DOCK4: variants seen among roughly 807,000 people sequenced by gnomAD.
DOCK4 encodes the protein dedicator of cytokinesis 4.
Under a neutral mutation model 268.1 loss-of-function variants are expected in DOCK4, and 97 were observed. The ratio of observed to expected loss-of-function variants is 0.36; its 90% CI spans 0.31 to 0.43. DOCK4 has a LOEUF of 0.43. DOCK4 is among the 20% of genes least tolerant of loss of function. The pLI is 1.00. For missense variants in DOCK4, 2,145 were observed against 2,455.7 expected, an observed-to-expected ratio of 0.87 and a Z score of 2.67; for synonymous variants, 954 against 887.2, an observed-to-expected ratio of 1.08 and a Z score of -1.34.
At chr7:112,027,354 A>C (rs948679698) in intron 1 of DOCK4, among the ~76,000 whole-genome samples, 1 of 152,076 alleles carries the variant, frequency 6.6e-6, no homozygotes, top group African/African-American at 2.4e-5. Context: ...CCTCCCAAGC[A>C]GCTGGGATTA....
At chr7:112,151,466 C>T (rs1163666317) in intron 1 of DOCK4, among the ~76,000 whole-genome samples, 2 of 152,068 alleles carry the variant, frequency 1.3e-5, no homozygotes. Context: ...TGTCACACAG[C>T]TAGGGTAAGA....
intron 1 of DOCK4, among the ~76,000 whole-genome samples, chr7:112,149,699 T>C (rs1404885489): frequency 6.6e-6 from 1 of 152,202 alleles, no homozygotes; most frequent in Non-Finnish European, 1.5e-5. Context: ...AGATATGATT[T>C]CTAGTGTCTC....
chr7:111,969,893 A>G (rs1797568278), intron 8 of DOCK4, among the ~76,000 whole-genome samples: 1 of 152,184 alleles, frequency 6.6e-6, no homozygotes, highest in Admixed American at 6.5e-5. Flanking sequence ...CTTGTATGTA[A>G]CAAAAACTCA....
chr7:112,030,490 T>C lies in DOCK4; in HGVS notation c.38-26359A>G, dbSNP rs554465154. On this transcript the variant is annotated intron_variant, in intron 1 of 52. Coordinates refer to ENST00000428084, the MANE Select transcript of DOCK4 (RefSeq NM_001363540.2). ...GCAAGGTGGCTGTAGTGAACACACA[T>C]TGTTGGTGCAGCTTGCCTTTCATCT... Among the ~76,000 whole-genome samples the C allele has an allele frequency of 7.2e-5, 11 of 152,300 alleles. 1 individual carries two copies. In the South Asian group the frequency reaches 2.3e-3, roughly 32 times the overall value.
intron 13 of DOCK4, among the ~76,000 whole-genome samples, chr7:111,912,861 T>A (rs1792236495): frequency 1.3e-5 from 2 of 152,136 alleles, no homozygotes; most frequent in African/African-American, 4.8e-5. Context: ...CTTTTTCTTT[T>A]TTTTTTGCTT....
intron 1 of DOCK4, among the ~76,000 whole-genome samples, chr7:112,057,835 A>G (rs1319074959): frequency 6.6e-6 from 1 of 151,782 alleles, no homozygotes; most frequent in Non-Finnish European, 1.5e-5. Flanking sequence ...TGCTCTCACT[A>G]AAAGTACATA....
chr7:112,083,830 A>G (rs1252309566), intron 1 of DOCK4, among the ~76,000 whole-genome samples: 1 of 152,142 alleles, frequency 6.6e-6, no homozygotes, highest in African/African-American at 2.4e-5. Context: ...GGTAAATTAG[A>G]TTGGTATTTG....
intron 1 of DOCK4, among the ~76,000 whole-genome samples, chr7:112,174,032 A>T (rs1159750669): frequency 1.6e-5 from 1 of 61,562 alleles, no homozygotes; most frequent in Non-Finnish European, 3.1e-5. Flanking sequence ...CCACCTCCCC[A>T]CCTCCCCACC....
intron 1 of DOCK4, among the ~76,000 whole-genome samples, chr7:112,145,970 T>C (rs556951229): frequency 6.6e-6 from 1 of 152,264 alleles, no homozygotes; most frequent in Admixed American, 6.5e-5. Flanking sequence ...TTGTTTGTGA[T>C]ATAGAAAATG....
At chr7:112,046,453 C>T (rs997680534) in intron 1 of DOCK4, among the ~76,000 whole-genome samples, 5 of 152,064 alleles carry the variant, frequency 3.3e-5, no homozygotes, top group Non-Finnish European at 5.9e-5. Flanking sequence ...AAAAATGCTG[C>T]CAAATTGGAG....
chr7:112,158,629 A>T (rs1816825422), intron 1 of DOCK4, among the ~76,000 whole-genome samples: 1 of 152,216 alleles, frequency 6.6e-6, no homozygotes, highest in Non-Finnish European at 1.5e-5. Context: ...TTCATATATA[A>T]GAAGTCTCTC....
chr7:112,061,270 T>G (rs924375270), intron 1 of DOCK4, among the ~76,000 whole-genome samples: 5 of 152,102 alleles, frequency 3.3e-5, no homozygotes, highest in African/African-American at 1.2e-4. Flanking sequence ...CCACTGCAAA[T>G]AGCCTCATCC....
intron 1 of DOCK4, among the ~76,000 whole-genome samples, chr7:112,109,857 G>C (rs1203136525): frequency 1.3e-5 from 2 of 149,344 alleles, no homozygotes; most frequent in African/African-American, 2.5e-5. Flanking sequence ...CCATTCTCCT[G>C]CCTCAGCCTC....
chr7:111,960,520 G>A (rs1159583168), intron 8 of DOCK4, among the ~76,000 whole-genome samples: 3 of 129,930 alleles, frequency 2.3e-5, no homozygotes, highest in Admixed American at 7.6e-5. Context: ...TTTACCTCAT[G>A]TGCTTTTTTT....
intron 44 of DOCK4, among the ~76,000 whole-genome samples, chr7:111,744,577 A>G (rs1302971609): frequency 6.6e-6 from 1 of 152,244 alleles, no homozygotes; most frequent in Non-Finnish European, 1.5e-5. Context: ...CTTGACCCTG[A>G]GCTACCATTT....
At position 111,728,431 on chromosome 7, in the gene DOCK4, G is replaced by A. The variant is rs757830448; in HGVS notation, c.5771C>T (p.Pro1924Leu). 10 of 1,588,550 alleles carry A rather than the reference G, an allele frequency of 6.3e-6. No individual in the cohort carries two copies. Among genetic ancestry groups the A allele is most frequent in the East Asian group, 4.5e-5 (2 of 44,638 alleles). Reference sequence around the variant, plus strand: ...GGGGATGGAGAGGCTGTGAGGTAGCGGGACGGGGCGCCGCAGAGTCCGCTC... The same window carrying A: ...GGGGATGGAGAGGCTGTGAGGTAGCAGGACGGGGCGCCGCAGAGTCCGCTC... ...VYERTLRRPVPLPHSLSIPVT... is the reference protein window; with the variant it reads ...VYERTLRRPVLLPHSLSIPVT... The change falls in exon 53 of 53, where the codon CCG becomes CTG. Residue 1924 changes from proline (P) to leucine (L), a missense_variant. This residue lies in a region of DOCK4 where 547 missense variants were observed against 469.0 expected (regional missense o/e 1.17). Transcript: ENST00000428084.
intron 28 of DOCK4, among the ~76,000 whole-genome samples, chr7:111,811,050 G>T (rs1801091440): frequency 6.6e-6 from 1 of 151,746 alleles, no homozygotes; most frequent in African/African-American, 2.4e-5. Context: ...AAGAACCAAA[G>T]AAATAATTAG....
chr7:111,988,165 TG>T (rs1482134236), intron 6 of DOCK4, among the ~76,000 whole-genome samples: 1 of 152,164 alleles, frequency 6.6e-6, no homozygotes, highest in East Asian at 1.9e-4. Context: ...CTTTTTTTTC[TG>T]TTGCCCTAAG....
At chr7:111,943,098 C>A (rs1173685500) in intron 10 of DOCK4, among the ~76,000 whole-genome samples, 1 of 152,198 alleles carries the variant, frequency 6.6e-6, no homozygotes, top group Admixed American at 6.5e-5. Flanking sequence ...CTCCTTCGGT[C>A]TCAAAATGTT....
Sources: gnomAD v4.1 joint callset for allele counts (sites outside exome capture counted in the v4.1 genomes callset) on GRCh38, gnomAD v4.1.1 for gene constraint, gnomAD v4.1.1 regional missense constraint, MANE v1.5 for transcripts, NCBI Gene and HGNC (gene_info 2026-07-23, HGNC 2026-07-21) for gene names.